The following ALPK2 variants were observed in gnomAD, a reference collection of about 807,000 sequenced individuals.
ALPK2 encodes the protein alpha kinase 2, also known as alpha-protein kinase 2.
A neutral mutation model predicts 163.1 loss-of-function variants in ALPK2; 127 were observed. The ratio of observed to expected loss-of-function variants is 0.78; its 90% CI spans 0.67 to 0.90. The LOEUF (loss-of-function observed/expected upper bound fraction) is 0.90, where lower values mean the gene tolerates loss of function less well. ALPK2 is among the 40% of genes least tolerant of loss of function. The pLI is 0.00. For synonymous variants in ALPK2, 953 were observed against 959.1 expected (o/e 0.99, Z 0.12); for missense variants, 2,360 against 2,589.6 (o/e 0.91, Z 1.92).
At chr18:58,577,685 C>T (rs2051928960) in intron 4 of ALPK2, among the ~76,000 whole-genome samples, 1 of 152,196 alleles carries the variant, frequency 6.6e-6, no homozygotes, top group South Asian at 2.1e-4. Flanking sequence ...TTTACCTGGC[C>T]AGTTTGGCCA....
At chr18:58,578,673 G>T in intron 4 of ALPK2, 141 bp downstream of exon 4, 1 of 812,492 alleles carries the variant, frequency 1.2e-6, no homozygotes. Context: ...TGATGGTGTT[G>T]GGAAACTTAT....
At chr18:58,606,881 A>T (rs1399825800) in intron 3 of ALPK2, among the ~76,000 whole-genome samples, 1 of 152,158 alleles carries the variant, frequency 6.6e-6, no homozygotes, top group East Asian at 1.9e-4. Context: ...TCCTAAAATA[A>T]AGCCAGGGGG....
intron 4 of ALPK2, among the ~76,000 whole-genome samples, chr18:58,565,403 G>A (rs898870760): frequency 5.9e-5 from 9 of 152,078 alleles, no homozygotes; most frequent in Non-Finnish European, 1.2e-4. Context: ...GCTTGGTACT[G>A]TACTTTTAAT....
chr18:58,556,534 A>G (rs1193443576), intron 4 of ALPK2, among the ~76,000 whole-genome samples: 1 of 149,662 alleles, frequency 6.7e-6, no homozygotes, highest in Non-Finnish European at 1.5e-5. Flanking sequence ...TACCTTCAAT[A>G]CGTGTCAGCT....
intron 10 of ALPK2, among the ~76,000 whole-genome samples, chr18:58,513,714 G>A (rs949367645): frequency 1.3e-5 from 2 of 152,098 alleles, no homozygotes; most frequent in Admixed American, 6.6e-5. Context: ...CTGTCTCTAC[G>A]AGAAAATTTT....
At chr18:58,538,522 A>C (rs1285539244) in intron 4 of ALPK2, 1 of 346,324 alleles carries the variant, frequency 2.9e-6, no homozygotes, top group Non-Finnish European at 5.3e-6. Context: ...ATAGATGGAA[A>C]TAAATCGAAT....
chr18:58,504,970 A>G (rs2051454314), intron 10 of ALPK2, among the ~76,000 whole-genome samples: 1 of 152,024 alleles, frequency 6.6e-6, no homozygotes, highest in Non-Finnish European at 1.5e-5. Context: ...GGAGCCAGGG[A>G]GATTGGCAGA....
intron 5 of ALPK2, among the ~76,000 whole-genome samples, chr18:58,531,849 G>C (rs937502167): frequency 7.0e-6 from 1 of 142,166 alleles, no homozygotes; most frequent in Non-Finnish European, 1.5e-5. Context: ...GAGGCTGGAG[G>C]ATCGCTTGAA....
chr18:58,531,118 A>G (rs1283553184), intron 5 of ALPK2, among the ~76,000 whole-genome samples: 3 of 152,122 alleles, frequency 2.0e-5, no homozygotes, highest in African/African-American at 7.2e-5. Context: ...TCGGTTGAGC[A>G]CAGGAGTTCA....
Position 58,510,959 on chromosome 18 carries a change from A to G in ALPK2, c.6029+4034T>C, listed in dbSNP as rs545215325. 6.6e-5 allele frequency among the ~76,000 whole-genome samples: 10 copies of G among 152,292 alleles called. No individual in the cohort carries two copies. The East Asian group carries it at 7.7e-4, about 12-fold the overall frequency. On this transcript the variant is annotated intron_variant, in intron 10 of 12. Coordinates refer to ENST00000361673, the MANE Select transcript of ALPK2 (RefSeq NM_052947.4). ...TGGTGAGAGAGGGCGTCCCTGTCTT[A>G]TGCCAGTTTTCAAAGGGAATGCTTC... is the stretch of plus-strand genomic sequence containing the variant.
In ALPK2 at chr18:58,523,985, A is replaced by G; in HGVS notation, c.5579T>C (p.Ile1860Thr). ...AGTCACTTTTCCGTAGCTGTTCTTG[A>G]TGCAGCAGTAATAGAGTCCCTGGTC... ...PKDQGLYYCC[I>T]KNSYGKVTAE... The change falls in exon 7 of 13, where the codon ATC (isoleucine) becomes ACC (threonine). Residue 1860 changes from isoleucine (I) to threonine (T), a missense_variant. Transcript: ENST00000361673. 1 of 1,614,190 alleles carries G rather than the reference A, an allele frequency of 6.2e-7. No individual in the cohort carries two copies. The highest frequency in any genetic ancestry group is 1.7e-5 in the Admixed American group (1 of 60,026).
chr18:58,526,744 C>T (rs981674311), intron 6 of ALPK2, among the ~76,000 whole-genome samples: 2 of 152,182 alleles, frequency 1.3e-5, no homozygotes, highest in Non-Finnish European at 2.9e-5. Flanking sequence ...ATTAGTCTTG[C>T]CCTACCCACA....
At chr18:58,589,995 A>G (rs1039006185) in intron 3 of ALPK2, among the ~76,000 whole-genome samples, 1 of 151,920 alleles carries the variant, frequency 6.6e-6, no homozygotes, top group Non-Finnish European at 1.5e-5. Flanking sequence ...AGGCAGGTGG[A>G]TCACTTGAGG....
At chr18:58,548,523 G>A (rs1453085161) in intron 4 of ALPK2, among the ~76,000 whole-genome samples, 1 of 152,090 alleles carries the variant, frequency 6.6e-6, no homozygotes, top group Non-Finnish European at 1.5e-5. Flanking sequence ...GTTTTGCCCT[G>A]TTAGCCAGGC....
At chr18:58,616,600 G>C (rs1424755599) in intron 1 of ALPK2, among the ~76,000 whole-genome samples, 1 of 152,158 alleles carries the variant, frequency 6.6e-6, no homozygotes, top group African/African-American at 2.4e-5. Context: ...AGCTGAACAC[G>C]TGGAGGCTGA....
chr18:58,544,938 A>G (rs1451078992), intron 4 of ALPK2: 1 of 152,168 alleles, frequency 6.6e-6, no homozygotes, highest in Non-Finnish European at 1.5e-5. Context: ...GCCTAATGAG[A>G]TGTTCAAGGA....
At chr18:58,517,811 G>A (rs1050372644) in intron 8 of ALPK2, among the ~76,000 whole-genome samples, 46 of 151,890 alleles carry the variant, frequency 3.0e-4, no homozygotes, top group Middle Eastern at 3.4e-3. Flanking sequence ...TAGGAAACAG[G>A]TAGCAATAAA....
In ALPK2 at chr18:58,537,665, TC is replaced by T; in HGVS notation, c.2521del (p.Glu841AsnfsTer56). 1 of 1,613,848 alleles carries T rather than the reference TC, an allele frequency of 6.2e-7. No individual in the cohort carries two copies. The highest frequency in any genetic ancestry group is 8.5e-7 in the Non-Finnish European group (1 of 1,179,766). ...SPQEICSVDT[E>X]LAEGQNKVSD... is the part of the protein sequence containing the mutation. Reference sequence around the variant, plus strand: ...TACTTTGTTTTGACCTTCTGCCAGTTCCGTATCTACAGAGCAAATTTCTTGA... The same window carrying T: ...TACTTTGTTTTGACCTTCTGCCAGTTCGTATCTACAGAGCAAATTTCTTGA... On this transcript the variant is annotated frameshift_variant, in exon 5 of 13. Transcript: ENST00000361673. LOFTEE classifies it high-confidence loss of function.
chr18:58,571,819 T>C (rs2051887182), intron 4 of ALPK2, among the ~76,000 whole-genome samples: 1 of 151,742 alleles, frequency 6.6e-6, no homozygotes, highest in African/African-American at 2.4e-5. Flanking sequence ...CTACTAAAAA[T>C]CCAAAAATTA....
Sources: allele counts gnomAD v4.1 joint callset (sites outside exome capture counted in the v4.1 genomes callset), GRCh38; gene constraint gnomAD v4.1.1; transcripts MANE v1.5; gene names NCBI Gene and HGNC (gene_info 2026-07-23, HGNC 2026-07-21).